Variants in PLA1A observed in about 807,000 individuals in gnomAD.
PLA1A encodes phosphatidylserine-specific phospholipase A1alpha.
PLA1A carries 47 observed loss-of-function variants against 49.4 expected under a neutral mutation model. The ratio of observed to expected loss-of-function variants is 0.95; its 90% confidence interval spans 0.75 to 1.21. The LOEUF (loss-of-function observed/expected upper bound fraction) is 1.21. Among genes scored for constraint, PLA1A ranks in the 50% most tolerant of loss-of-function variants. PLA1A has a pLI of 0.00. For synonymous variants in PLA1A, 224 were observed against 207.9 expected (o/e 1.08, Z -0.67); for missense variants, 561 against 563.9 (o/e 0.99, Z 0.05).
chr3:119,616,751 A>G (rs1238607174), intron 6 of PLA1A, among the ~76,000 whole-genome samples: 3 of 152,248 alleles, frequency 2.0e-5, no homozygotes, highest in East Asian at 3.8e-4. Flanking sequence ...GATCTATTTT[A>G]CCAAATTTAC....
intron 4 of PLA1A, among the ~76,000 whole-genome samples, chr3:119,611,933 C>G (rs2082768702): frequency 6.6e-6 from 1 of 152,156 alleles, no homozygotes; most frequent in Non-Finnish European, 1.5e-5. Context: ...GTTGTAACAG[C>G]CCACATCTCC....
At chr3:119,603,904 C>A (rs2082649843) in intron 1 of PLA1A, among the ~76,000 whole-genome samples, 2 of 152,226 alleles carry the variant, frequency 1.3e-5, no homozygotes, top group African/African-American at 4.8e-5. Flanking sequence ...TCCTAGGACA[C>A]AGCTCTTCAC....
At chr3:119,598,789 C>T (rs899206514) in intron 1 of PLA1A, among the ~76,000 whole-genome samples, 3 of 152,292 alleles carry the variant, frequency 2.0e-5, no homozygotes, top group Non-Finnish European at 4.4e-5. Context: ...CTGTTCTTTG[C>T]ATCTTTCAAG....
At position 119,628,607 on chromosome 3, in the gene PLA1A, C is replaced by G. The variant is rs1367322068; in HGVS notation, c.1122-94C>G. The stretch of plus-strand genomic sequence containing the variant: ...TAACCCCTTGGTGCATGACAGCCAA[C>G]CAGTGCCACCAGCAGAGCCCGATCG... On this transcript the variant is annotated intron_variant, in intron 9 of 10. Coordinates refer to ENST00000273371, the MANE Select transcript of PLA1A (RefSeq NM_015900.4). The G allele has an allele frequency of 2.2e-5, 25 of 1,150,478 alleles. No individual in the cohort carries two copies. The Admixed American group carries it at 4.1e-4, about 19-fold the overall frequency. 71.3% of individuals were successfully genotyped at this position (1,150,478 alleles called of 1,614,324 possible). A position where few individuals can be genotyped will look rare whatever the true frequency, so the allele number is the denominator to read the frequency against.
rs1577138829 is a variant in PLA1A at position 119,606,715 on chromosome 3, C to A, written c.74-59C>A. The A allele has an allele frequency of 3.6e-6, 5 of 1,394,188 alleles. No individual in the cohort carries two copies. In the East Asian group the frequency reaches 1.1e-4, roughly 32 times the overall value. The allele number at this position is 1,394,188 out of a possible 1,614,324, so 86.4% of individuals were successfully genotyped here. On this transcript the variant is annotated intron_variant, in intron 1 of 10. Transcript: ENST00000273371. ...CTTCCTTCCAAGGTCATCTTTCTTC[C>A]TTCTAAGAACAGATGACCTCACCTT...
chr3:119,610,964 A>C (rs6767172), intron 4 of PLA1A, among the ~76,000 whole-genome samples: 16,924 of 152,190 alleles, frequency 0.11, 1,098 homozygotes, highest in Admixed American at 0.18. Flanking sequence ...TTAAGTCTTT[A>C]GTCCTTCTTG....
At chr3:119,621,817 G>A (rs1196421245) in intron 8 of PLA1A, among the ~76,000 whole-genome samples, 1 of 152,116 alleles carries the variant, frequency 6.6e-6, no homozygotes, top group South Asian at 2.1e-4. Flanking sequence ...CAACCACTCA[G>A]GACTCTGTGT....
intron 1 of PLA1A, among the ~76,000 whole-genome samples, chr3:119,605,900 G>A (rs2082679901): frequency 1.3e-5 from 2 of 152,164 alleles, no homozygotes; most frequent in Admixed American, 6.5e-5. Context: ...ACTTGTCAAG[G>A]CTCTTCTCTG....
At chr3:119,620,677 T>A (rs1368750996) in intron 8 of PLA1A, among the ~76,000 whole-genome samples, 1 of 152,224 alleles carries the variant, frequency 6.6e-6, no homozygotes, top group Non-Finnish European at 1.5e-5. Flanking sequence ...TCAGTAATAA[T>A]TTCCTTCCCT....
At chr3:119,605,792 C>G (rs1424376500) in intron 1 of PLA1A, among the ~76,000 whole-genome samples, 1 of 152,164 alleles carries the variant, frequency 6.6e-6, no homozygotes, top group Non-Finnish European at 1.5e-5. Flanking sequence ...TTTCATGTTG[C>G]CTTTTCTGTT....
chr3:119,603,003 G>A (rs890597611), intron 1 of PLA1A, among the ~76,000 whole-genome samples: 12 of 152,192 alleles, frequency 7.9e-5, no homozygotes, highest in Non-Finnish European at 1.6e-4. Flanking sequence ...GAAGGGCAAG[G>A]AGAACTACTG....
chr3:119,606,319 T>G (rs2107779271), intron 1 of PLA1A, among the ~76,000 whole-genome samples: 1 of 152,362 alleles, frequency 6.6e-6, no homozygotes, highest in East Asian at 1.9e-4. Context: ...ATCCTCCCTC[T>G]GTCTGTGTCC....
chr3:119,621,472 A>G (rs2082929288), intron 8 of PLA1A, among the ~76,000 whole-genome samples: 1 of 152,102 alleles, frequency 6.6e-6, no homozygotes, highest in African/African-American at 2.4e-5. Flanking sequence ...CTCTCCAGCC[A>G]CTCTCAGGCC....
At chr3:119,612,957 T>C in intron 4 of PLA1A, 60 bp from the exon 5 acceptor site, 1 of 1,090,264 alleles carries the variant, frequency 9.2e-7, no homozygotes, top group Non-Finnish European at 1.3e-6. Flanking sequence ...GTGTGGTGGG[T>C]CCATGAATGT....
intron 9 of PLA1A, among the ~76,000 whole-genome samples, chr3:119,628,128 G>C (rs1216659306): frequency 6.6e-6 from 1 of 152,210 alleles, no homozygotes; most frequent in Non-Finnish European, 1.5e-5. Flanking sequence ...CAGCATGTAG[G>C]GAAGCTGGAA....
intron 10 of PLA1A, 87 bp from the exon 11 acceptor site, chr3:119,629,297 C>A: frequency 1.2e-6 from 1 of 816,228 alleles, no homozygotes; most frequent in Non-Finnish European, 2.2e-6. Context: ...ATTTCTTTCA[C>A]CAGACATCAT....
chr3:119,625,112 T>G lies in PLA1A; in HGVS notation c.1013-12T>G. 6.3e-7 allele frequency: 1 copy of G among 1,578,264 alleles called. No homozygotes were observed. The highest frequency in any genetic ancestry group is 8.7e-7 in the Non-Finnish European group (1 of 1,147,452). Reference sequence around the variant, plus strand: ...CCCTCTGGCCAGTCTCTGTTGTGCTTTGGTTTCCTAGTGCATCACAGCCTC... The same window carrying G: ...CCCTCTGGCCAGTCTCTGTTGTGCTGTGGTTTCCTAGTGCATCACAGCCTC... On this transcript the variant is annotated splice_polypyrimidine_tract_variant and intron_variant, in intron 8 of 10. Transcript: ENST00000273371.
intron 5 of PLA1A, among the ~76,000 whole-genome samples, 183 bp downstream of exon 5, chr3:119,613,301 G>T (rs2082795441): frequency 6.6e-6 from 1 of 152,220 alleles, no homozygotes; most frequent in Non-Finnish European, 1.5e-5. Context: ...GACCACTGAG[G>T]TGAATGGTTG....
chr3:119,605,583 T>C (rs1401398892), intron 1 of PLA1A, among the ~76,000 whole-genome samples: 3 of 152,246 alleles, frequency 2.0e-5, no homozygotes, highest in Admixed American at 6.5e-5. Context: ...TCTGATTCTG[T>C]GAATCACTTT....
Sources: allele counts gnomAD v4.1 joint callset (sites outside exome capture counted in the v4.1 genomes callset), GRCh38; gene constraint gnomAD v4.1.1; transcripts MANE v1.5; gene names NCBI Gene and HGNC (gene_info 2026-07-23, HGNC 2026-07-21).